RGS7: variants seen among roughly 807,000 people sequenced by gnomAD.
RGS7 encodes the protein regulator of G-protein signaling 7.
In RGS7, 27 loss-of-function variants were observed where a neutral mutation model predicts 81.1. That is an observed-to-expected ratio of 0.33 (90% CI 0.25 to 0.46). The LOEUF is 0.46. RGS7 is among the 20% of genes least tolerant of loss of function. The pLI, the probability that RGS7 is intolerant of heterozygous loss-of-function variation, is 1.00. For synonymous variants in RGS7, 208 were observed against 207.7 expected (o/e 1.00, Z -0.01); for missense variants, 396 against 607.4 (o/e 0.65, Z 3.66).
At chr1:241,340,147 T>C (rs1040191040) in intron 2 of RGS7, among the ~76,000 whole-genome samples, 3 of 152,196 alleles carry the variant, frequency 2.0e-5, no homozygotes, top group African/African-American at 4.8e-5. Flanking sequence ...TGATCTATAC[T>C]AAAACTTAAT....
In RGS7 at chr1:240,827,192, G is replaced by A. The variant is rs373504564; in HGVS notation, c.610-20C>T. ...TCCAGGCTGGGAATGGAAAAACAGA[G>A]AGACAAATGAATCTTTGGGTGTGAA... On this transcript the variant is annotated intron_variant, in intron 9 of 18. Coordinates refer to ENST00000440928, the MANE Select transcript of RGS7 (RefSeq NM_001364886.1). 4 of 1,583,296 alleles carry A rather than the reference G, an allele frequency of 2.5e-6. No homozygotes were observed. The highest frequency in any genetic ancestry group is 3.5e-6 in the Non-Finnish European group (4 of 1,152,074).
intron 18 of RGS7, among the ~76,000 whole-genome samples, chr1:240,778,700 T>C (rs1683409602): frequency 1.3e-5 from 2 of 152,098 alleles, no homozygotes; most frequent in African/African-American, 2.4e-5. Context: ...GCCTGGCTAA[T>C]TTTTGTTATT....
chr1:240,844,038 G>A (rs1658609476), intron 9 of RGS7, among the ~76,000 whole-genome samples: 1 of 152,154 alleles, frequency 6.6e-6, no homozygotes, highest in Non-Finnish European at 1.5e-5. Context: ...ATGCCTGAGT[G>A]TGTTTGTACA....
At chr1:241,077,127 C>CATA (rs2062848541) in intron 3 of RGS7, among the ~76,000 whole-genome samples, 1 of 152,124 alleles carries the variant, frequency 6.6e-6, no homozygotes, top group African/African-American at 2.4e-5. Context: ...AATAATTTCA[C>CATA]ACATAATTTT....
chr1:241,057,011 C>T (rs963597742), intron 3 of RGS7, among the ~76,000 whole-genome samples: 1 of 151,810 alleles, frequency 6.6e-6, no homozygotes, highest in Non-Finnish European at 1.5e-5. Flanking sequence ...ATATGTACAC[C>T]GTTGATATAT....
At chr1:241,306,396 C>T (rs1252601560) in intron 2 of RGS7, among the ~76,000 whole-genome samples, 4 of 150,084 alleles carry the variant, frequency 2.7e-5, no homozygotes, top group Middle Eastern at 7.2e-3. Flanking sequence ...TACACCCTTA[C>T]ACACACCCTC....
intron 4 of RGS7, among the ~76,000 whole-genome samples, chr1:240,941,453 C>T (rs1217231024): frequency 6.6e-6 from 1 of 151,966 alleles, no homozygotes; most frequent in African/African-American, 2.4e-5. Context: ...CTCAGCATAT[C>T]CATGGCAAAA....
At chr1:241,071,890 A>AAAAAAAAAAAAAAAAAAAAAAAAAG (rs2062484869) in intron 3 of RGS7, among the ~76,000 whole-genome samples, 1 of 149,762 alleles carries the variant, frequency 6.7e-6, no homozygotes, top group Non-Finnish European at 1.5e-5. Context: ...AAAAAAAAAA[A>AAAAAAAAAAAAAAAAAAAAAAAAAG]AAAAACAAGA....
intron 2 of RGS7, among the ~76,000 whole-genome samples, chr1:241,242,306 G>GTGGATAGA (rs2076298205): frequency 6.8e-6 from 1 of 147,442 alleles, no homozygotes; most frequent in Admixed American, 6.8e-5. Flanking sequence ...CTATGGATGA[G>GTGGATAGA]TAGATAGATA....
intron 2 of RGS7, among the ~76,000 whole-genome samples, chr1:241,343,151 A>G (rs2082673155): frequency 6.6e-6 from 1 of 151,782 alleles, no homozygotes; most frequent in Non-Finnish European, 1.5e-5. Context: ...AGCCCCAGCT[A>G]CTCGGGAGGC....
chr1:240,813,500 C>T, intron 13 of RGS7, 118 bp downstream of exon 13: 3 of 717,232 alleles, frequency 4.2e-6, no homozygotes, highest in Non-Finnish European at 5.1e-6. Flanking sequence ...TAGATATAGG[C>T]CAATGTAGAT....
At chr1:240,883,486 C>T (rs191942648) in intron 6 of RGS7, among the ~76,000 whole-genome samples, 3 of 152,278 alleles carry the variant, frequency 2.0e-5, no homozygotes, top group Admixed American at 6.5e-5. Context: ...TCTTCATCTC[C>T]TTTAAACCTC....
chr1:240,970,756 A>G (rs7544222), intron 4 of RGS7, among the ~76,000 whole-genome samples: 62,264 of 151,934 alleles, frequency 0.41, 13,276 homozygotes, highest in East Asian at 0.67. Context: ...AGGCCATGGC[A>G]GGTGGATTAC....
At chr1:240,935,973 A>G (rs1676561676) in intron 5 of RGS7, among the ~76,000 whole-genome samples, 1 of 152,252 alleles carries the variant, frequency 6.6e-6, no homozygotes, top group Non-Finnish European at 1.5e-5. Flanking sequence ...AGGTAAATCA[A>G]TGTGAACTCA....
chr1:240,990,325 T>C (rs1686276742), intron 3 of RGS7, among the ~76,000 whole-genome samples: 1 of 152,210 alleles, frequency 6.6e-6, no homozygotes, highest in Admixed American at 6.5e-5. Flanking sequence ...AAAGTGGAAT[T>C]CAAAAGCAAA....
chr1:241,196,348 A>G (rs1199437238), intron 2 of RGS7, among the ~76,000 whole-genome samples: 1 of 152,058 alleles, frequency 6.6e-6, no homozygotes, highest in Admixed American at 6.5e-5. Flanking sequence ...ATACTAAAGG[A>G]TATTCAAGAA....
chr1:240,830,142 G>T (rs977785353), intron 9 of RGS7, among the ~76,000 whole-genome samples: 1 of 152,156 alleles, frequency 6.6e-6, no homozygotes, highest in South Asian at 2.1e-4. Context: ...TATCATATGG[G>T]TGTTAGCAAG....
chr1:240,814,079 A>C (rs1342447), intron 12 of RGS7, among the ~76,000 whole-genome samples: 115,624 of 152,056 alleles, frequency 0.76, 44,268 homozygotes, highest in African/African-American at 0.79. Context: ...CAGATTTTAT[A>C]CAACTGAGAG....
chr1:241,271,998 T>A lies in RGS7; in HGVS notation c.78+83701A>T, dbSNP rs1313090189. Among the ~76,000 whole-genome samples, 2 of 90,976 alleles carry A rather than the reference T, an allele frequency of 2.2e-5. No individual in the cohort carries two copies. The highest frequency in any genetic ancestry group is 5.1e-5 in the Non-Finnish European group (2 of 38,996). The allele number at this position is 90,976 out of a possible 152,430, so 59.7% of individuals were successfully genotyped here. ...ACTAGAATTTCTTTTTTTTTTTTTT[T>A]ATTTTTATTTTTTGAGATGGAGTCT... On this transcript the variant is annotated intron_variant, in intron 2 of 18. Coordinates refer to ENST00000440928, the MANE Select transcript of RGS7 (RefSeq NM_001364886.1). This position sits in a 1 kb window ranked among gnomAD's most constrained non-coding sequence, Gnocchi z 4.6.
Sources: gnomAD v4.1 joint callset for allele counts (sites outside exome capture counted in the v4.1 genomes callset) on GRCh38, gnomAD v4.1.1 for gene constraint, Gnocchi (gnomAD v3.1) non-coding constraint, MANE v1.5 for transcripts, NCBI Gene and HGNC (gene_info 2026-07-23, HGNC 2026-07-21) for gene names.